The following CPLANE1 variants were observed in gnomAD, a reference collection of about 807,000 sequenced individuals.
The protein encoded by CPLANE1 is ciliogenesis and planar polarity effector complex subunit 1, also known as ciliogenesis and planar polarity effector 1.
A neutral mutation model predicts 362.5 loss-of-function variants in CPLANE1; 263 were observed. That is an observed-to-expected ratio of 0.73 (90% CI 0.66 to 0.80). The LOEUF is 0.80. Among genes scored for constraint, CPLANE1 ranks in the 30% least tolerant of loss-of-function variants. CPLANE1 has a pLI of 0.00. For missense variants in CPLANE1, 3,461 were observed against 3,793.4 expected (o/e 0.91, Z 2.30); for synonymous variants, 1,212 against 1,302.6 (o/e 0.93, Z 1.50).
In CPLANE1 at chr5:37,107,399, G is replaced by GT; in HGVS notation, c.*202dup. 1 of 1,269,114 alleles carries GT rather than the reference G, an allele frequency of 7.9e-7. No individual in the cohort carries two copies. Among genetic ancestry groups the GT allele is most frequent in the Non-Finnish European group, 1.0e-6 (1 of 1,003,958 alleles). 78.6% of individuals were successfully genotyped at this position (1,269,114 alleles called of 1,614,324 possible). A position where few individuals can be genotyped will look rare whatever the true frequency, so the allele number is the denominator to read the frequency against. ...TACAAAAACATATAATACATCAATAGTCAACCCTTTCCCCATAAAGGCAAA... is the reference window on the plus strand; with the variant it reads ...TACAAAAACATATAATACATCAATAGTTCAACCCTTTCCCCATAAAGGCAAA... On this transcript the variant is annotated 3_prime_UTR_variant, in exon 53 of 53. Coordinates refer to ENST00000651892, the MANE Select transcript of CPLANE1 (RefSeq NM_001384732.1).
At chr5:37,081,470 G>A in the CPLANE1 span, among the ~76,000 whole-genome samples, 4 of 151,860 alleles carry the variant, frequency 2.6e-5, no homozygotes, top group South Asian at 6.3e-4. Context: ...CTACAGGCAC[G>A]TACCATCACA....
At chr5:37,200,199 T>C (rs548947300) in intron 19 of CPLANE1, among the ~76,000 whole-genome samples, 5 of 152,210 alleles carry the variant, frequency 3.3e-5, no homozygotes, top group Non-Finnish European at 5.9e-5. Context: ...GTTTAAACCA[T>C]TTTGACCAAG....
intron 17 of CPLANE1, among the ~76,000 whole-genome samples, chr5:37,205,696 C>CAT (rs1790516623): frequency 6.6e-6 from 1 of 152,156 alleles, no homozygotes; most frequent in African/African-American, 2.4e-5. Context: ...TTTACTAACA[C>CAT]ATAAGTGTGC....
At chr5:37,201,229 T>A (rs898324488) in intron 19 of CPLANE1, among the ~76,000 whole-genome samples, 2 of 152,188 alleles carry the variant, frequency 1.3e-5, no homozygotes, top group African/African-American at 4.8e-5. Context: ...AAAAAATGCC[T>A]AATTTTTAAA....
At chr5:37,189,314 A>G (rs1218604141) in intron 21 of CPLANE1, among the ~76,000 whole-genome samples, 2 of 152,202 alleles carry the variant, frequency 1.3e-5, no homozygotes, top group Admixed American at 1.3e-4. Context: ...TACACATTCT[A>G]TTCATCCCAA....
chr5:37,161,496 C>T (rs1776841990), intron 38 of CPLANE1, among the ~76,000 whole-genome samples: 1 of 152,048 alleles, frequency 6.6e-6, no homozygotes, highest in Non-Finnish European at 1.5e-5. Context: ...AGATGAATTG[C>T]CGTCAACATT....
chr5:37,079,799 T>G, the CPLANE1 span, among the ~76,000 whole-genome samples: 1 of 152,148 alleles, frequency 6.6e-6, no homozygotes, highest in African/African-American at 2.4e-5. Flanking sequence ...GTTTTCCTCT[T>G]CTCAATAAGG....
chr5:37,167,296 CATTT>C, intron 34 of CPLANE1, 83 bp from the exon 35 acceptor site: 1 of 1,101,166 alleles, frequency 9.1e-7, no homozygotes, highest in Non-Finnish European at 1.3e-6. Context: ...AGGAAAAATA[CATTT>C]GTTTAAATTA....
chr5:37,244,184 A>G (rs1176877086), intron 5 of CPLANE1, among the ~76,000 whole-genome samples, 191 bp downstream of exon 5: 1 of 152,222 alleles, frequency 6.6e-6, no homozygotes, highest in Non-Finnish European at 1.5e-5. Context: ...GGATAGAGAA[A>G]AGGAGTTCTA....
intron 36 of CPLANE1, 116 bp downstream of exon 36, chr5:37,165,423 A>C (rs13163380): frequency 2.1e-6 from 2 of 939,798 alleles, no homozygotes; most frequent in Non-Finnish European, 3.3e-6. Flanking sequence ...AATGATATGA[A>C]GATCCTCCTA....
At chr5:37,166,142 C>T (rs935023262) in intron 35 of CPLANE1, among the ~76,000 whole-genome samples, 7 of 152,146 alleles carry the variant, frequency 4.6e-5, no homozygotes, top group Non-Finnish European at 8.8e-5. Flanking sequence ...GGAAAGAGAG[C>T]ACTAGTGACA....
intron 32 of CPLANE1, among the ~76,000 whole-genome samples, chr5:37,171,768 CTCTCTCTCTCTCTCTCTA>C (rs1372186929): frequency 1.3e-5 from 2 of 151,432 alleles, no homozygotes; most frequent in African/African-American, 4.9e-5. Flanking sequence ...CTCTCTCTCT[CTCTCTCTCTCTCTCTCTA>C]TCTATCTATT....
chr5:37,135,890 A>G (rs1331734479), intron 46 of CPLANE1, among the ~76,000 whole-genome samples: 1 of 152,144 alleles, frequency 6.6e-6, no homozygotes, highest in Non-Finnish European at 1.5e-5. Context: ...TACTATCACG[A>G]GAACAGGATG....
chr5:37,078,350 T>G, the CPLANE1 span, among the ~76,000 whole-genome samples: 2 of 152,316 alleles, frequency 1.3e-5, no homozygotes, highest in African/African-American at 2.4e-5. Context: ...TCCAGCTCCA[T>G]GCATATCCAT....
chr5:37,215,238 C>T (rs891224938), intron 15 of CPLANE1, among the ~76,000 whole-genome samples: 2 of 151,840 alleles, frequency 1.3e-5, no homozygotes, highest in Non-Finnish European at 2.9e-5. Context: ...TAGTAGAGAC[C>T]AGTTTTCTCC....
chr5:37,146,750 G>C (rs1362042893), intron 43 of CPLANE1, among the ~76,000 whole-genome samples: 3 of 152,058 alleles, frequency 2.0e-5, no homozygotes, highest in Admixed American at 1.3e-4. Context: ...ATTAAAGTTT[G>C]TTGTTGAGTA....
At chr5:37,086,145 C>G in the CPLANE1 span, among the ~76,000 whole-genome samples, 1 of 152,152 alleles carries the variant, frequency 6.6e-6, no homozygotes, top group African/African-American at 2.4e-5. Context: ...GACAGGTCAT[C>G]AAGACAGTTA....
Position 37,168,840 on chromosome 5 carries a change from T to C in CPLANE1, c.7184A>G (p.Lys2395Arg), listed in dbSNP as rs761860332. The change falls in exon 34 of 53, where the codon AAA becomes AGA. Residue 2395 changes from lysine (K) to arginine (R), a missense_variant. Lys to Arg is a conservative substitution (Grantham distance 26). Transcript: ENST00000651892. ...ATGAAGTAATGACAATCTTGGGTAT[T>C]TTCTTTCTTCTGCTATAGGTTGGAT... The part of the protein sequence containing the change: ...TPIQPIAEER[K>R]YPRLSLLHSH... 4 of 1,613,590 alleles carry C rather than the reference T, an allele frequency of 2.5e-6. 1 individual carries two copies. In the South Asian group the frequency reaches 4.4e-5, roughly 18 times the overall value.
chr5:37,216,167 A>C (rs1193675347), intron 15 of CPLANE1, among the ~76,000 whole-genome samples: 1 of 152,154 alleles, frequency 6.6e-6, no homozygotes, highest in Admixed American at 6.5e-5. Flanking sequence ...CTGTACCATT[A>C]GATCTGAGAA....
Sources: gnomAD v4.1 joint callset for allele counts (sites outside exome capture counted in the v4.1 genomes callset) on GRCh38, gnomAD v4.1.1 for gene constraint, MANE v1.5 for transcripts, NCBI Gene and HGNC (gene_info 2026-07-23, HGNC 2026-07-21) for gene names.